CFAP299: variants seen among roughly 807,000 people sequenced by gnomAD.
The protein encoded by CFAP299 is cilia and flagella associated protein 299.
CFAP299 carries 21 observed loss-of-function variants against 27.0 expected under a neutral mutation model. That is an observed-to-expected ratio of 0.78 (90% confidence interval 0.55 to 1.12). The LOEUF (loss-of-function observed/expected upper bound fraction) is 1.12. CFAP299 is among the 50% of genes most tolerant of loss of function. The probability of loss-of-function intolerance (pLI) is 0.00; values close to 1 mark genes in which losing one functional copy is unlikely to be tolerated. For synonymous variants in CFAP299, 104 were observed against 98.1 expected, an observed-to-expected ratio of 1.06 and a Z score of -0.36; for missense variants, 310 against 276.6, an observed-to-expected ratio of 1.12 and a Z score of -0.86.
At chr4:80,949,032 T>C (rs567197570) in intron 5 of CFAP299, among the ~76,000 whole-genome samples, 29 of 152,306 alleles carry the variant, frequency 1.9e-4, no homozygotes, top group Admixed American at 1.2e-3. Context: ...TTTTGGTCTA[T>C]GCTTTCATAC....
chr4:80,336,278 A>G (rs565499435), intron 1 of CFAP299, among the ~76,000 whole-genome samples: 5 of 152,228 alleles, frequency 3.3e-5, no homozygotes, highest in East Asian at 3.9e-4. Flanking sequence ...TGCTTTGCCA[A>G]TTGGTATATT....
intron 3 of CFAP299, among the ~76,000 whole-genome samples, chr4:80,728,233 T>C (rs1723271599): frequency 6.6e-6 from 1 of 152,088 alleles, no homozygotes; most frequent in African/African-American, 2.4e-5. Flanking sequence ...TTATAGAATA[T>C]TCTTTTTTAA....
chr4:80,588,957 A>C (rs141460501), intron 3 of CFAP299, among the ~76,000 whole-genome samples: 1 of 152,154 alleles, frequency 6.6e-6, no homozygotes, highest in African/African-American at 2.4e-5. Flanking sequence ...ATAACTGGTT[A>C]GTGAGTGACT....
chr4:80,724,607 TA>T (rs1440983259), intron 3 of CFAP299, among the ~76,000 whole-genome samples: 4 of 152,078 alleles, frequency 2.6e-5, no homozygotes, highest in African/African-American at 9.7e-5. Flanking sequence ...AAAATAACAA[TA>T]AAAAGCAGGC....
chr4:80,697,708 A>G (rs560855849), intron 3 of CFAP299, among the ~76,000 whole-genome samples: 8 of 152,294 alleles, frequency 5.3e-5, no homozygotes, highest in African/African-American at 1.4e-4. Context: ...TCATACAATT[A>G]GATTTAGCAT....
At chr4:80,647,311 T>A (rs1740075152) in intron 3 of CFAP299, among the ~76,000 whole-genome samples, 1 of 152,130 alleles carries the variant, frequency 6.6e-6, no homozygotes, top group Non-Finnish European at 1.5e-5. Context: ...CAGTCAAGTC[T>A]CAGACACATC....
chr4:80,891,765 T>TA (rs34162187), intron 4 of CFAP299, among the ~76,000 whole-genome samples: 50,068 of 58,860 alleles, frequency 0.85, 20,895 homozygotes, highest in Non-Finnish European at 0.89. Context: ...TAGAGTATAA[T>TA]AAAAAAAAAA....
chr4:80,537,700 G>A (rs1733809394), intron 2 of CFAP299, among the ~76,000 whole-genome samples: 1 of 152,028 alleles, frequency 6.6e-6, no homozygotes, highest in Non-Finnish European at 1.5e-5. Context: ...ATAGGGAGAT[G>A]TTAGTTAAAA....
chr4:80,719,526 A>C (rs1382158308), intron 3 of CFAP299, among the ~76,000 whole-genome samples: 1 of 152,208 alleles, frequency 6.6e-6, no homozygotes, highest in Non-Finnish European at 1.5e-5. Context: ...CATTAGCTAC[A>C]TCTCATAAAT....
At chr4:80,717,274 C>G (rs1722544438) in intron 3 of CFAP299, among the ~76,000 whole-genome samples, 2 of 151,978 alleles carry the variant, frequency 1.3e-5, no homozygotes, top group African/African-American at 4.8e-5. Context: ...GATGGTCTCC[C>G]TTTGTAAGTG....
At chr4:80,945,077 C>A in intron 5 of CFAP299, 138 bp downstream of exon 5, 1 of 765,348 alleles carries the variant, frequency 1.3e-6, no homozygotes, top group South Asian at 1.7e-5. Flanking sequence ...AAACTTAGAG[C>A]ATGTACTACC....
At chr4:80,800,505 T>A (rs575687996) in intron 3 of CFAP299, among the ~76,000 whole-genome samples, 1 of 3,784 alleles carries the variant, frequency 2.6e-4, no homozygotes, top group African/African-American at 6.7e-4. Context: ...TATAATATAT[T>A]ATATAATATA....
At chr4:80,539,557 G>A (rs1733902758) in intron 2 of CFAP299, among the ~76,000 whole-genome samples, 1 of 152,178 alleles carries the variant, frequency 6.6e-6, no homozygotes, top group African/African-American at 2.4e-5. Flanking sequence ...TAGGCTGATT[G>A]TGGGTAGAGG....
chr4:80,434,107 A>G (rs913478893), intron 2 of CFAP299, among the ~76,000 whole-genome samples: 2 of 152,232 alleles, frequency 1.3e-5, no homozygotes, highest in Non-Finnish European at 2.9e-5. Context: ...TTTGTATTTT[A>G]GATGTTAAAA....
At chr4:80,801,177 A>G (rs1472728495) in intron 3 of CFAP299, among the ~76,000 whole-genome samples, 4 of 149,518 alleles carry the variant, frequency 2.7e-5, no homozygotes, top group Non-Finnish European at 5.9e-5. Context: ...ACTGACCATC[A>G]CACTATGGTT....
intron 3 of CFAP299, among the ~76,000 whole-genome samples, chr4:80,662,068 C>A (rs375627062): frequency 6.6e-6 from 1 of 152,100 alleles, no homozygotes; most frequent in Non-Finnish European, 1.5e-5. Context: ...AATGCGTGCC[C>A]GAAACTTCAT....
chr4:80,846,926 A>G (rs1010804502), intron 3 of CFAP299, among the ~76,000 whole-genome samples: 2 of 152,164 alleles, frequency 1.3e-5, no homozygotes, highest in African/African-American at 4.8e-5. Context: ...TAAGTTTCCA[A>G]GATTGTCCCC....
intron 4 of CFAP299, among the ~76,000 whole-genome samples, chr4:80,887,782 A>C (rs1458318824): frequency 6.6e-6 from 1 of 152,134 alleles, no homozygotes; most frequent in Non-Finnish European, 1.5e-5. Context: ...TTCAAGACAT[A>C]GTGCAATAAG....
intron 4 of CFAP299, among the ~76,000 whole-genome samples, chr4:80,930,265 T>C (rs1275541431): frequency 4.6e-5 from 7 of 152,154 alleles, no homozygotes; most frequent in Non-Finnish European, 1.0e-4. Context: ...TGGAAGCCCT[T>C]CCCATACCTC....
Sources: allele counts gnomAD v4.1 joint callset (sites outside exome capture counted in the v4.1 genomes callset), GRCh38; gene constraint gnomAD v4.1.1; transcripts MANE v1.5; gene names NCBI Gene and HGNC (gene_info 2026-07-23, HGNC 2026-07-21).